AHCY: variants seen among roughly 807,000 people sequenced by gnomAD.
AHCY encodes the protein S-adenosyl-L-homocysteine hydrolase.
A neutral mutation model predicts 45.4 loss-of-function variants in AHCY; 24 were observed. That is an observed-to-expected ratio of 0.53 (90% CI 0.38 to 0.74). AHCY has a LOEUF of 0.74. AHCY is among the 30% of genes least tolerant of loss of function. The probability of loss-of-function intolerance (pLI) is 0.00; values close to 1 mark genes in which losing one functional copy is unlikely to be tolerated. For missense variants in AHCY, 449 were observed against 594.1 expected, an observed-to-expected ratio of 0.76 and a Z score of 2.54; for synonymous variants, 245 against 235.1, an observed-to-expected ratio of 1.04 and a Z score of -0.39.
At chr20:34,238,911 T>C in the AHCY span, among the ~76,000 whole-genome samples, 2 of 152,206 alleles carry the variant, frequency 1.3e-5, no homozygotes, top group Non-Finnish European at 2.9e-5. Context: ...ACCTAGAAGT[T>C]GCAAGCCTTC....
chr20:34,293,590 A>G, intron 3 of AHCY: 5 of 276,608 alleles, frequency 1.8e-5, no homozygotes, highest in Non-Finnish European at 2.8e-5. Flanking sequence ...GGTTGGTTAG[A>G]AGCAATCTTG....
chr20:34,294,736 G>A (rs996594024), intron 2 of AHCY, among the ~76,000 whole-genome samples: 16 of 152,144 alleles, frequency 1.1e-4, no homozygotes, highest in African/African-American at 1.9e-4. Flanking sequence ...TCCAGGGAGC[G>A]TCAACGCCCC....
At chr20:34,269,259 C>T in the AHCY span, 5 of 1,398,412 alleles carry the variant, frequency 3.6e-6, no homozygotes, top group Non-Finnish European at 4.6e-6. Context: ...CTTCCCAGGG[C>T]TGCAGGCGGG....
the AHCY span, among the ~76,000 whole-genome samples, chr20:34,253,338 C>T: frequency 1.3e-4 from 19 of 151,762 alleles, no homozygotes; most frequent in Non-Finnish European, 2.2e-4. Flanking sequence ...GATCTCCTGA[C>T]CTCATGATCC....
At chr20:34,247,784 A>T in the AHCY span, among the ~76,000 whole-genome samples, 4,094 of 152,126 alleles carry the variant, frequency 0.027, 217 homozygotes, top group African/African-American at 0.095. Flanking sequence ...TTTTGTGGAG[A>T]TGAGGTCTTG....
chr20:34,304,510 CT>C (rs34586407), upstream of AHCY, among the ~76,000 whole-genome samples: 7 of 150,890 alleles, frequency 4.6e-5, no homozygotes, highest in Non-Finnish European at 5.9e-5. Flanking sequence ...TTTTTAATTG[CT>C]TTTTTTCCCC....
At chr20:34,247,300 CTTTTTT>C in the AHCY span, among the ~76,000 whole-genome samples, 1 of 120,694 alleles carries the variant, frequency 8.3e-6, no homozygotes, top group Non-Finnish European at 1.8e-5. Flanking sequence ...TTATATGATG[CTTTTTT>C]TTTTTTTTTT....
At chr20:34,285,795 T>C (rs775867871) in intron 8 of AHCY, among the ~76,000 whole-genome samples, 161 bp from the exon 9 acceptor site, 4 of 152,112 alleles carry the variant, frequency 2.6e-5, no homozygotes, top group Non-Finnish European at 5.9e-5. Flanking sequence ...TAACAGCCAA[T>C]ATTTATTAAG....
intron 5 of AHCY, among the ~76,000 whole-genome samples, chr20:34,291,153 C>G (rs1478351075): frequency 6.6e-6 from 1 of 152,214 alleles, no homozygotes; most frequent in Non-Finnish European, 1.5e-5. Context: ...AGTGTGGAGC[C>G]TTCCTAGGCA....
upstream of AHCY, among the ~76,000 whole-genome samples, chr20:34,305,045 G>A (rs1041598542): frequency 1.4e-4 from 21 of 150,776 alleles, no homozygotes; most frequent in Non-Finnish European, 2.8e-4. Context: ...GGCCGGGCGC[G>A]TGGCTCACGC....
chr20:34,292,359 T>C lies in AHCY; in HGVS notation c.444A>G (p.Pro148=). 1 of 1,613,004 alleles carries C rather than the reference T, an allele frequency of 6.2e-7. No homozygotes were observed. The highest frequency in any genetic ancestry group is 8.5e-7 in the Non-Finnish European group (1 of 1,179,914). Reference sequence around the variant, plus strand: ...GCCCACCTGCCCCGCCCTGCTCACCTGGCAGAAGCTGCGGGTACTTGGTGT... The same window carrying C: ...GCCCACCTGCCCCGCCCTGCTCACCCGGCAGAAGCTGCGGGTACTTGGTGT... ...LIHTKYPQLL[P]GIRGISEETT... The change falls in exon 4 of 10, where the codon CCA becomes CCG. Residue 148 remains proline, a splice_region_variant and synonymous_variant. Coordinates refer to ENST00000217426, the MANE Select transcript of AHCY (RefSeq NM_000687.4).
chr20:34,245,863 A>T, the AHCY span: 2 of 823,100 alleles, frequency 2.4e-6, no homozygotes, highest in Non-Finnish European at 3.2e-6. Context: ...TTCTACAGTA[A>T]ATATATATAT....
chr20:34,294,667 A>AG (rs2036513246), intron 2 of AHCY, among the ~76,000 whole-genome samples: 1 of 152,072 alleles, frequency 6.6e-6, no homozygotes, highest in Non-Finnish European at 1.5e-5. Context: ...TGGGAAGAAG[A>AG]GGGGGCAGAA....
chr20:34,269,265 G>A, the AHCY span: 7 of 1,383,802 alleles, frequency 5.1e-6, no homozygotes, highest in Non-Finnish European at 6.6e-6. Flanking sequence ...AGGGCTGCAG[G>A]CGGGCGGAGG....
chr20:34,269,192 A>G, the AHCY span: 213,187 of 1,476,164 alleles, frequency 0.14, 26,966 homozygotes, highest in African/African-American at 0.68. Flanking sequence ...GGCCGCGAGC[A>G]GGCAGGGCTT....
chr20:34,299,636 A>G (rs1302262261), intron 1 of AHCY, among the ~76,000 whole-genome samples: 1 of 152,170 alleles, frequency 6.6e-6, no homozygotes, highest in Non-Finnish European at 1.5e-5. Context: ...CTGCCTCCAC[A>G]GCACCTCCAC....
rs140691898 is a variant in AHCY at position 34,292,608 on chromosome 20, T to A, written c.296-101A>T. 9.8e-3 allele frequency: 15,151 copies of A among 1,540,908 alleles called. 120 individuals are homozygous for A. The highest frequency in any genetic ancestry group is 0.023 in the South Asian group (2,067 of 88,940). On this transcript the variant is annotated intron_variant, in intron 3 of 9. Transcript: ENST00000217426. The stretch of plus-strand genomic sequence containing the variant: ...AAAACTACCTCCTTCCCAACTCCCA[T>A]CCCCAGCCACCTCCGGCCCCTCTGA...
At chr20:34,235,829 G>GAA in the AHCY span, among the ~76,000 whole-genome samples, 1 of 62,648 alleles carries the variant, frequency 1.6e-5, no homozygotes, top group Non-Finnish European at 2.5e-5. Flanking sequence ...AAGAAAGAAA[G>GAA]AAAGAAAGAA....
chr20:34,283,415 A>G (rs2036067881), intron 9 of AHCY, among the ~76,000 whole-genome samples: 1 of 152,144 alleles, frequency 6.6e-6, no homozygotes, highest in African/African-American at 2.4e-5. Flanking sequence ...AGGTGACTTA[A>G]TAAATGGTGG....
Sources: gnomAD v4.1 joint callset for allele counts (sites outside exome capture counted in the v4.1 genomes callset) on GRCh38, gnomAD v4.1.1 for gene constraint, MANE v1.5 for transcripts, NCBI Gene and HGNC (gene_info 2026-07-23, HGNC 2026-07-21) for gene names.